The following EYA1 variants were observed in gnomAD, a reference collection of about 807,000 sequenced individuals.
EYA1 encodes protein phosphatase EYA1.
In EYA1, 16 loss-of-function variants were observed where a neutral mutation model predicts 82.0. The ratio of observed to expected loss-of-function variants is 0.20; its 90% CI spans 0.13 to 0.30. EYA1 has a LOEUF of 0.30. Among genes scored for constraint, EYA1 ranks in the 10% least tolerant of loss-of-function variants. The pLI, the probability that EYA1 is intolerant of heterozygous loss-of-function variation, is 1.00. For synonymous variants in EYA1, 261 were observed against 264.4 expected (o/e 0.99, Z 0.12); for missense variants, 633 against 730.7 (o/e 0.87, Z 1.54).
At chr8:71,290,718 A>C (rs1464803832) in intron 9 of EYA1, among the ~76,000 whole-genome samples, 3 of 152,102 alleles carry the variant, frequency 2.0e-5, no homozygotes, top group Non-Finnish European at 4.4e-5. Context: ...CATTTTCATA[A>C]CGTTTCTCAC....
At chr8:71,206,686 G>A (rs1032254372) in intron 17 of EYA1, among the ~76,000 whole-genome samples, 2 of 146,790 alleles carry the variant, frequency 1.4e-5, no homozygotes, top group Non-Finnish European at 3.1e-5. Flanking sequence ...AGGATTATGA[G>A]GATTTAATGA....
At chr8:71,379,794 G>A (rs185155146) in intron 2 of EYA1, among the ~76,000 whole-genome samples, 21 of 151,850 alleles carry the variant, frequency 1.4e-4, no homozygotes, top group African/African-American at 5.1e-4. Flanking sequence ...TTTATCCAGT[G>A]TACAGAGCAC....
chr8:71,241,633 C>T (rs959690002), intron 12 of EYA1, among the ~76,000 whole-genome samples: 9 of 152,106 alleles, frequency 5.9e-5, no homozygotes, highest in Admixed American at 5.9e-4. Context: ...CTATTAAGCT[C>T]CTTGAAATTA....
chr8:71,462,228 G>A (rs961728613), intron 2 of EYA1, among the ~76,000 whole-genome samples: 29 of 152,174 alleles, frequency 1.9e-4, no homozygotes, highest in African/African-American at 6.3e-4. Context: ...CAGTATTTGA[G>A]CTGTCCTCAG....
At chr8:71,376,335 C>T (rs529071329) in intron 2 of EYA1, among the ~76,000 whole-genome samples, 1 of 152,198 alleles carries the variant, frequency 6.6e-6, no homozygotes, top group Non-Finnish European at 1.5e-5. Flanking sequence ...GGGTGTAGGG[C>T]ATGGGACATT....
chr8:71,445,194 C>T (rs957267378), intron 2 of EYA1, among the ~76,000 whole-genome samples: 2 of 152,120 alleles, frequency 1.3e-5, no homozygotes, highest in African/African-American at 4.8e-5. Flanking sequence ...AATTTACCTT[C>T]GTCATCCATC....
chr8:71,242,249 AATTT>A (rs1028324966), intron 12 of EYA1, among the ~76,000 whole-genome samples: 5 of 152,118 alleles, frequency 3.3e-5, no homozygotes, highest in Admixed American at 6.5e-5. Context: ...GTAAAAAACC[AATTT>A]ATTTTTTAAA....
rs1046725029 is a variant in EYA1, at chr8:71,269,278, G to GTC, written c.1050+461_1050+462insGA. ...TACCATTCAAATACATTTAACCCAA[G>GTC]TAGCAAAGGGACATATAGAGACATT... is the stretch of plus-strand genomic sequence containing the variant. On this transcript the variant is annotated intron_variant, in intron 11 of 17. Transcript: ENST00000340726. Among the ~76,000 whole-genome samples the GTC allele has an allele frequency of 2.2e-3, 336 of 152,252 alleles. 1 individual carries two copies. The highest frequency in any genetic ancestry group is 6.3e-3 in the African/African-American group (263 of 41,544).
intron 2 of EYA1, among the ~76,000 whole-genome samples, chr8:71,478,244 A>T (rs1027852386): frequency 6.6e-6 from 1 of 152,200 alleles, no homozygotes; most frequent in African/African-American, 2.4e-5. Context: ...TATTTTTAAG[A>T]GCATGTAAAA....
At chr8:71,201,412 A>G (rs1806993199) in intron 17 of EYA1, among the ~76,000 whole-genome samples, 1 of 152,028 alleles carries the variant, frequency 6.6e-6, no homozygotes, top group Admixed American at 6.5e-5. Flanking sequence ...TATCAGCACC[A>G]TAGCACAGGT....
At chr8:71,264,091 A>C (rs1057142060) in intron 11 of EYA1, among the ~76,000 whole-genome samples, 11 of 152,150 alleles carry the variant, frequency 7.2e-5, no homozygotes, top group Non-Finnish European at 1.0e-4. Context: ...ATGTTTGCCA[A>C]CCCTTGGACT....
At chr8:71,483,692 T>C (rs543127897) in intron 2 of EYA1, among the ~76,000 whole-genome samples, 48 of 151,950 alleles carry the variant, frequency 3.2e-4, no homozygotes, top group Admixed American at 1.6e-3. Flanking sequence ...TGTGTGTGTG[T>C]TGGGTATGCA....
In EYA1 at chr8:71,235,895, C is replaced by T. The variant is rs140409737; in HGVS notation, c.1140+8708G>A. Among the ~76,000 whole-genome samples, 277 of 152,276 alleles carry T rather than the reference C, an allele frequency of 1.8e-3. 1 individual carries two copies. The highest frequency in any genetic ancestry group is 6.5e-3 in the African/African-American group (269 of 41,560). ...CTTGTAAATATTACCTTTAATATGT[C>T]ATAGACATTAAATCAGGATTATATA... On this transcript the variant is annotated intron_variant, in intron 12 of 17. Coordinates refer to ENST00000340726, the MANE Select transcript of EYA1 (RefSeq NM_000503.6).
chr8:71,429,033 C>T (rs928799964), intron 2 of EYA1, among the ~76,000 whole-genome samples: 2 of 152,030 alleles, frequency 1.3e-5, no homozygotes, highest in African/African-American at 4.8e-5. Flanking sequence ...GGTATAAGAC[C>T]CCTTGATGGA....
intron 2 of EYA1, among the ~76,000 whole-genome samples, chr8:71,438,246 G>A (rs886382153): frequency 1.3e-5 from 2 of 151,954 alleles, no homozygotes; most frequent in Admixed American, 1.3e-4. Flanking sequence ...AATTACTCTG[G>A]TGTGCTAAGA....
chr8:71,297,117 G>T (rs1819681342), intron 9 of EYA1, among the ~76,000 whole-genome samples: 1 of 152,024 alleles, frequency 6.6e-6, no homozygotes, highest in African/African-American at 2.4e-5. Context: ...TTTCCCATAA[G>T]ATAATGAAAT....
At chr8:71,215,556 A>C (rs184738922) in intron 15 of EYA1, 48 bp from the exon 16 acceptor site, 407 of 1,612,200 alleles carry the variant, frequency 2.5e-4, no homozygotes, top group Middle Eastern at 3.3e-4. Flanking sequence ...TAAATCTCCA[A>C]AATGAACAAG....
intron 11 of EYA1, among the ~76,000 whole-genome samples, chr8:71,256,724 G>T (rs1279569702): frequency 6.6e-6 from 1 of 152,180 alleles, no homozygotes; most frequent in Non-Finnish European, 1.5e-5. Flanking sequence ...AATTGGCCAG[G>T]CACGGTGGCT....
intron 9 of EYA1, among the ~76,000 whole-genome samples, chr8:71,275,933 C>G (rs1028097119): frequency 6.6e-6 from 1 of 152,176 alleles, no homozygotes; most frequent in African/African-American, 2.4e-5. Flanking sequence ...CTTGACTTCC[C>G]TTACTTCTGC....
Sources: gnomAD v4.1 joint callset for allele counts (sites outside exome capture counted in the v4.1 genomes callset) on GRCh38, gnomAD v4.1.1 for gene constraint, MANE v1.5 for transcripts, NCBI Gene and HGNC (gene_info 2026-07-23, HGNC 2026-07-21) for gene names.